KLHL5: variants seen among roughly 807,000 people sequenced by gnomAD.
KLHL5 encodes kelch-like protein 5.
KLHL5 carries 48 observed loss-of-function variants against 77.7 expected under a neutral mutation model. The observed-to-expected ratio is 0.62, with a 90% confidence interval of 0.49 to 0.79. The LOEUF is 0.79. Ranked by LOEUF, KLHL5 falls within the 30% of genes least tolerant of loss-of-function variation. The pLI is 0.00. For synonymous variants in KLHL5, 260 were observed against 297.0 expected (o/e 0.88, Z 1.28); for missense variants, 723 against 859.7 (o/e 0.84, Z 1.99).
downstream of KLHL5, among the ~76,000 whole-genome samples, chr4:39,129,352 C>A (rs547071051): frequency 3.3e-5 from 5 of 152,108 alleles, 1 homozygote; most frequent in South Asian, 1.0e-3. This position sits in a 1 kb window ranked among gnomAD's most constrained non-coding sequence, Gnocchi z 4.2. Context: ...GGATTACAGG[C>A]ATGTGCCACT....
Position 39,086,520 on chromosome 4 carries a change from T to C in KLHL5, c.906T>C (p.His302=). 6.2e-7 allele frequency: 1 copy of C among 1,612,792 alleles called. No individual in the cohort carries two copies. The highest frequency in any genetic ancestry group is 8.5e-7 in the Non-Finnish European group (1 of 1,178,846). Residue 302 remains histidine (H), a synonymous_variant, in exon 5 of 11, where the codon CAT becomes CAC. Transcript: ENST00000504108. ...CTGCTATTTCTTCCCTCTAGGAGCA[T>C]TTCATGGAAGTAATCAGAAACCAGG... ...HKVAHNYTME[H]FMEVIRNQEF... is the part of the protein sequence containing the mutation.
intron 5 of KLHL5, among the ~76,000 whole-genome samples, chr4:39,095,861 T>G (rs1223084954): frequency 1.3e-5 from 2 of 151,392 alleles, no homozygotes; most frequent in African/African-American, 4.8e-5. Context: ...ACTGTAAAAA[T>G]TATTACATAT....
the KLHL5 span, among the ~76,000 whole-genome samples, chr4:39,140,164 G>A: frequency 2.6e-5 from 4 of 152,110 alleles, no homozygotes; most frequent in Non-Finnish European, 5.9e-5. Flanking sequence ...AGGAGGTCGA[G>A]GCTGCCATGA....
chr4:39,052,359 C>G (rs1320936928), intron 1 of KLHL5, among the ~76,000 whole-genome samples: 2 of 152,040 alleles, frequency 1.3e-5, no homozygotes, highest in East Asian at 1.9e-4. Flanking sequence ...ACCTCATGAT[C>G]TGCTCCCCTC....
At chr4:39,086,764 T>A (rs769953349) in intron 5 of KLHL5, 37 bp downstream of exon 5, 1 of 1,468,350 alleles carries the variant, frequency 6.8e-7, no homozygotes, top group African/African-American at 1.4e-5. Context: ...AATTTTTCTT[T>A]GCCTATTCTA....
chr4:39,075,051 G>A (rs1718875537), intron 1 of KLHL5, among the ~76,000 whole-genome samples: 1 of 152,108 alleles, frequency 6.6e-6, no homozygotes, highest in African/African-American at 2.4e-5. Context: ...AGAACATACA[G>A]GTGGGTGCGG....
chr4:39,133,963 C>G, the KLHL5 span: 2 of 151,904 alleles, frequency 1.3e-5, no homozygotes, highest in African/African-American at 4.8e-5. Flanking sequence ...TCTTCCGTCA[C>G]CTAGAATATG....
intron 7 of KLHL5, among the ~76,000 whole-genome samples, chr4:39,105,104 TG>T (rs1323011336): frequency 6.6e-6 from 1 of 152,000 alleles, no homozygotes; most frequent in African/African-American, 2.4e-5. Context: ...TCTCTTCATA[TG>T]TGGTAATTAT....
chr4:39,123,974 A>T lies in KLHL5; in HGVS notation c.*2908A>T, dbSNP rs899838542. Among the ~76,000 whole-genome samples the T allele has an allele frequency of 2.0e-5, 3 of 152,206 alleles. No individual in the cohort carries two copies. The highest frequency in any genetic ancestry group is 7.2e-5 in the African/African-American group (3 of 41,464). On this transcript the variant is annotated 3_prime_UTR_variant, in exon 11 of 11. Coordinates refer to ENST00000504108, the MANE Select transcript of KLHL5 (RefSeq NM_015990.5). The stretch of plus-strand genomic sequence containing the variant: ...CCACAAAATGATTCCGGCTGATTTT[A>T]AAAATTCAGCAATGTTGCAGGTTGC...
At chr4:39,130,195 T>C (rs61346168), downstream of KLHL5, among the ~76,000 whole-genome samples, 1,341 of 151,842 alleles carry the variant, frequency 8.8e-3, 17 homozygotes, top group African/African-American at 0.031. Context: ...CACATACTTA[T>C]TAACAGCAAG....
At chr4:39,058,325 T>C (rs541613529), upstream of KLHL5, among the ~76,000 whole-genome samples, 43 of 152,316 alleles carry the variant, frequency 2.8e-4, no homozygotes, top group Non-Finnish European at 4.6e-4. Context: ...TTCTCCTAAG[T>C]TGAAAAAATA....
intron 1 of KLHL5, among the ~76,000 whole-genome samples, chr4:39,053,017 G>C (rs1277138707): frequency 2.0e-5 from 3 of 152,118 alleles, no homozygotes; most frequent in African/African-American, 7.2e-5. Flanking sequence ...TTAAATTATT[G>C]AACAGGTTAT....
rs71643268 is a variant in KLHL5, at chr4:39,124,802, CAAAAAAA to C, written c.*3754_*3760del. Reference sequence around the variant, plus strand: ...GCACCAAAAGCACAAGCAACAACAGCAAAAAAAAAAAAAAAAAAAAAAAATCAAAATT... The same window carrying C: ...GCACCAAAAGCACAAGCAACAACAGCAAAAAAAAAAAAAAAAATCAAAATT... On this transcript the variant is annotated 3_prime_UTR_variant, in exon 11 of 11. Transcript: ENST00000504108. 5.1e-3 allele frequency among the ~76,000 whole-genome samples: 223 copies of C among 44,126 alleles called. 1 individual carries two copies. The highest frequency in any genetic ancestry group is 0.023 in the Middle Eastern group (1 of 44). The allele number at this position is 44,126 out of a possible 152,430, so 28.9% of individuals were successfully genotyped here. A position where few individuals can be genotyped will look rare whatever the true frequency, so the allele number is the denominator to read the frequency against.
At chr4:39,140,697 C>G in the KLHL5 span, among the ~76,000 whole-genome samples, 2 of 152,172 alleles carry the variant, frequency 1.3e-5, no homozygotes, top group Non-Finnish European at 2.9e-5. Context: ...TGAAAATAAT[C>G]TACAAATAAT....
At chr4:39,053,374 T>G (rs2711957) in intron 1 of KLHL5, among the ~76,000 whole-genome samples, 1 of 151,684 alleles carries the variant, frequency 6.6e-6, no homozygotes, top group African/African-American at 2.4e-5. Context: ...TCAGAAAAAA[T>G]TTTTTTTAAT....
upstream of KLHL5, among the ~76,000 whole-genome samples, chr4:39,057,463 C>G (rs1055675473): frequency 6.6e-6 from 1 of 152,134 alleles, no homozygotes; most frequent in Non-Finnish European, 1.5e-5. Flanking sequence ...AAAAATAGAT[C>G]TCAAATCTTT....
Position 39,076,148 on chromosome 4 carries a change from G to A in KLHL5, c.566+1G>A, listed in dbSNP as rs1402007399. On this transcript the variant is annotated splice_donor_variant, in intron 2 of 10. Coordinates refer to ENST00000504108, the MANE Select transcript of KLHL5 (RefSeq NM_015990.5). LOFTEE classifies it high-confidence loss of function. ...GTGATCGCAGAATTCCAGCTCACAG[G>A]TAGTTGTTTTCTATATTTCTGTATG... 4 of 1,599,702 alleles carry A rather than the reference G, an allele frequency of 2.5e-6. No individual in the cohort carries two copies. Among genetic ancestry groups the A allele is most frequent in the Non-Finnish European group, 3.4e-6 (4 of 1,176,454 alleles).
intron 2 of KLHL5, among the ~76,000 whole-genome samples, chr4:39,076,795 A>C (rs1441994528): frequency 2.7e-5 from 4 of 148,572 alleles, no homozygotes; most frequent in Non-Finnish European, 5.9e-5. Context: ...ACTGTGTCCC[A>C]AAGGTTTTTT....
At chr4:39,136,251 C>T in the KLHL5 span, among the ~76,000 whole-genome samples, 1 of 152,184 alleles carries the variant, frequency 6.6e-6, no homozygotes, top group East Asian at 1.9e-4. Context: ...CCTCCACCTG[C>T]CGGGTTCAAG....
Sources: gnomAD v4.1 joint callset for allele counts (sites outside exome capture counted in the v4.1 genomes callset) on GRCh38, gnomAD v4.1.1 for gene constraint, Gnocchi (gnomAD v3.1) non-coding constraint, MANE v1.5 for transcripts, NCBI Gene and HGNC (gene_info 2026-07-23, HGNC 2026-07-21) for gene names.